The following CPPED1 variants were observed in gnomAD, a reference collection of about 807,000 sequenced individuals.
CPPED1 encodes the protein serine/threonine-protein phosphatase CPPED1.
CPPED1 carries 28 observed loss-of-function variants against 28.0 expected under a neutral mutation model. The ratio of observed to expected loss-of-function variants is 1.00; its 90% CI spans 0.74 to 1.37. The LOEUF is 1.37. Among genes scored for constraint, CPPED1 ranks in the 40% most tolerant of loss-of-function variants. The probability of loss-of-function intolerance (pLI) is 0.00; values close to 1 mark genes in which losing one functional copy is unlikely to be tolerated. For synonymous variants in CPPED1, 198 were observed against 180.2 expected (o/e 1.10, Z -0.79); for missense variants, 504 against 416.5 (o/e 1.21, Z -1.83).
chr16:12,704,811 G>A lies in CPPED1; in HGVS notation c.528C>T (p.Ser176=), dbSNP rs773571112. ...QFYENPSKCP[S]LKQAQDQWLD... ...GCCACTGGTCCTGAGCCTGCTTCAG[G>A]CTGGGGCATTTGGAGGGGTTCTCGT... is the stretch of plus-strand genomic sequence containing the variant. Residue 176 remains serine (S), a synonymous_variant, in exon 3 of 4, where the codon AGC becomes AGT. Coordinates refer to ENST00000381774, the MANE Select transcript of CPPED1 (RefSeq NM_018340.3). 4 of 1,614,240 alleles carry A rather than the reference G, an allele frequency of 2.5e-6. No homozygotes were observed. Among genetic ancestry groups the A allele is most frequent in the Middle Eastern group, 1.6e-4 (1 of 6,062 alleles).
chr16:12,705,188 A>T, intron 2 of CPPED1, 139 bp from the exon 3 acceptor site: 1 of 918,310 alleles, frequency 1.1e-6, no homozygotes, highest in Non-Finnish European at 1.6e-6. Flanking sequence ...AAACTGCAAA[A>T]TGCAGTCACG....
chr16:12,781,729 T>A (rs2080533117), intron 1 of CPPED1, among the ~76,000 whole-genome samples: 1 of 152,144 alleles, frequency 6.6e-6, no homozygotes, highest in South Asian at 2.1e-4. Flanking sequence ...ATATTCGTGC[T>A]CCATAATCGT....
intron 2 of CPPED1, among the ~76,000 whole-genome samples, chr16:12,746,268 G>A (rs961254544): frequency 6.6e-6 from 1 of 152,064 alleles, no homozygotes; most frequent in Admixed American, 6.6e-5. Context: ...CCAGCTACTT[G>A]GGAGGCTGAA....
chr16:12,760,519 G>A (rs545408909), intron 2 of CPPED1: 5 of 152,550 alleles, frequency 3.3e-5, no homozygotes, highest in East Asian at 3.8e-4. Flanking sequence ...TGGTGTTCCC[G>A]GGGTGCACTG....
At position 12,664,680 on chromosome 16, in the gene CPPED1, A is replaced by C. The variant is rs2079814857; in HGVS notation, c.*206T>G. On this transcript the variant is annotated 3_prime_UTR_variant, in exon 4 of 4. Coordinates refer to ENST00000381774, the MANE Select transcript of CPPED1 (RefSeq NM_018340.3). This position sits in a 1 kb window ranked among gnomAD's most constrained non-coding sequence, Gnocchi z 4.2. ...ATTTTAAAAACTGATTTCCAGGATC[A>C]TTCGCTCCATTTTAAAGGAAATGCA... The C allele has an allele frequency of 5.7e-6, 8 of 1,409,404 alleles. No individual in the cohort carries two copies. The Middle Eastern group carries it at 5.8e-4, about 102-fold the overall frequency. 87.3% of individuals were successfully genotyped at this position (1,409,404 alleles called of 1,614,324 possible).
At chr16:12,699,435 C>T (rs1417297665) in intron 3 of CPPED1, among the ~76,000 whole-genome samples, 4 of 152,208 alleles carry the variant, frequency 2.6e-5, no homozygotes, top group South Asian at 2.1e-4. Flanking sequence ...ACACAGCACA[C>T]CCCTCCACTC....
chr16:12,710,390 A>C (rs1283080926), intron 2 of CPPED1, among the ~76,000 whole-genome samples: 4 of 152,004 alleles, frequency 2.6e-5, no homozygotes, highest in South Asian at 4.2e-4. Context: ...CTAGGAGAGA[A>C]ATAGGTTACA....
Position 12,704,615 on chromosome 16 carries a change from G to A in CPPED1, c.715+9C>T. ...TTCCTCCCTGAAACCCGTGGCCCGG[G>A]GCCTCTACCTGCGTGGATGAACTTG... On this transcript the variant is annotated intron_variant, in intron 3 of 3. Coordinates refer to ENST00000381774, the MANE Select transcript of CPPED1 (RefSeq NM_018340.3). The A allele has an allele frequency of 6.3e-7, 1 of 1,599,740 alleles. No individual in the cohort carries two copies. The highest frequency in any genetic ancestry group is 8.5e-7 in the Non-Finnish European group (1 of 1,170,626).
At chr16:12,674,398 G>A (rs1411752300) in intron 3 of CPPED1, among the ~76,000 whole-genome samples, 4 of 152,184 alleles carry the variant, frequency 2.6e-5, no homozygotes, top group Non-Finnish European at 4.4e-5. Context: ...CACTTCTTGG[G>A]TTGGAGCCAG....
At chr16:12,797,359 T>G (rs900228154) in intron 1 of CPPED1, among the ~76,000 whole-genome samples, 1 of 152,174 alleles carries the variant, frequency 6.6e-6, no homozygotes, top group African/African-American at 2.4e-5. Context: ...AAGACTAACC[T>G]GAGTGACACA....
At chr16:12,753,144 A>T (rs888031947) in intron 2 of CPPED1, 4 of 151,998 alleles carry the variant, frequency 2.6e-5, no homozygotes, top group African/African-American at 9.7e-5. Context: ...TTTCTTTGAA[A>T]AGTTACTGGA....
At chr16:12,732,494 G>GGAGAGAGA (rs35298221) in intron 2 of CPPED1, among the ~76,000 whole-genome samples, 6 of 145,328 alleles carry the variant, frequency 4.1e-5, no homozygotes, top group African/African-American at 1.5e-4. Flanking sequence ...ACACACAGAT[G>GGAGAGAGA]GAGAGAGAGA....
Position 12,663,510 on chromosome 16 carries a change from T to G in CPPED1, c.*1376A>C, listed in dbSNP as rs1471162920. 6.6e-6 allele frequency: 1 copy of G among 152,200 alleles called. No individual in the cohort carries two copies. Among genetic ancestry groups the G allele is most frequent in the Non-Finnish European group, 1.5e-5 (1 of 68,032 alleles). The allele number at this position is 152,200 out of a possible 1,614,324, so 9.4% of individuals were successfully genotyped here. Reference sequence around the variant, plus strand: ...TCTAGTTTTTTAAAAAATTTAATTTTCTTGTGGCACATAACAATGAACTCT... The same window carrying G: ...TCTAGTTTTTTAAAAAATTTAATTTGCTTGTGGCACATAACAATGAACTCT... On this transcript the variant is annotated 3_prime_UTR_variant, in exon 4 of 4. Transcript: ENST00000381774.
chr16:12,668,749 C>A (rs1190494715), intron 3 of CPPED1, among the ~76,000 whole-genome samples: 1 of 152,194 alleles, frequency 6.6e-6, no homozygotes, highest in Non-Finnish European at 1.5e-5. Flanking sequence ...CATCATTTAT[C>A]TTTAGGGAAA....
chr16:12,768,494 A>G (rs1235186434), intron 2 of CPPED1, among the ~76,000 whole-genome samples: 1 of 152,250 alleles, frequency 6.6e-6, no homozygotes, highest in East Asian at 1.9e-4. Context: ...CTTTAATTAA[A>G]GGTACAGTTT....
Position 12,724,556 on chromosome 16 carries a change from T to C in CPPED1, c.290-19507A>G, listed in dbSNP as rs142696572. 7.2e-5 allele frequency among the ~76,000 whole-genome samples: 11 copies of C among 152,286 alleles called. 1 individual carries two copies. The highest frequency in any genetic ancestry group is 1.4e-4 in the African/African-American group (6 of 41,568). ...GCACTCATCTCATCTTCAGATCCCT[T>C]ATCCCACTGACACCTTACATCATCC... On this transcript the variant is annotated intron_variant, in intron 2 of 3. Transcript: ENST00000381774.
At chr16:12,749,881 C>T (rs76846055) in intron 2 of CPPED1, among the ~76,000 whole-genome samples, 4,939 of 152,278 alleles carry the variant, frequency 0.032, 130 homozygotes, top group Middle Eastern at 0.054. Context: ...TGAGGCACCG[C>T]GCCTGGCAGA....
At chr16:12,803,632 C>T (rs1280446324) in intron 1 of CPPED1, 75 bp downstream of exon 1, 2 of 1,291,840 alleles carry the variant, frequency 1.5e-6, no homozygotes, top group South Asian at 1.6e-5. Flanking sequence ...GGAGCGCACA[C>T]CTGAACAAAA....
At chr16:12,665,384 G>C (rs2141163282) in intron 3 of CPPED1, among the ~76,000 whole-genome samples, 1 of 152,190 alleles carries the variant, frequency 6.6e-6, no homozygotes, top group South Asian at 2.1e-4. Context: ...TACTAGGGAA[G>C]AAAATGAGAG....
Sources: gnomAD v4.1 joint callset for allele counts (sites outside exome capture counted in the v4.1 genomes callset) on GRCh38, gnomAD v4.1.1 for gene constraint, Gnocchi (gnomAD v3.1) non-coding constraint, MANE v1.5 for transcripts, NCBI Gene and HGNC (gene_info 2026-07-23, HGNC 2026-07-21) for gene names.